The following CTNNA3 variants were observed in gnomAD, a reference collection of about 807,000 sequenced individuals.
CTNNA3 encodes the protein catenin alpha-3.
A neutral mutation model predicts 95.7 loss-of-function variants in CTNNA3; 76 were observed. The ratio of observed to expected loss-of-function variants is 0.79; its 90% CI spans 0.66 to 0.96. CTNNA3 has a LOEUF of 0.96. CTNNA3 is among the 40% of genes least tolerant of loss of function. The probability of loss-of-function intolerance (pLI) is 0.00; values close to 1 mark genes in which losing one functional copy is unlikely to be tolerated. For missense variants in CTNNA3, 1,191 were observed against 1,089.8 expected (o/e 1.09, Z -1.31); for synonymous variants, 431 against 374.4 (o/e 1.15, Z -1.74).
At chr10:67,514,310 T>C (rs1839738780) in intron 5 of CTNNA3, among the ~76,000 whole-genome samples, 1 of 152,158 alleles carries the variant, frequency 6.6e-6, no homozygotes, top group South Asian at 2.1e-4. Flanking sequence ...ACATAAAAAA[T>C]AAAATAAAAT....
At chr10:66,181,594 G>T (rs529743801) in intron 13 of CTNNA3, among the ~76,000 whole-genome samples, 2 of 152,044 alleles carry the variant, frequency 1.3e-5, no homozygotes, top group Non-Finnish European at 2.9e-5. Context: ...ATTTGTAAAA[G>T]CCCCATTATT....
chr10:66,354,080 C>T (rs1274263694), intron 12 of CTNNA3, among the ~76,000 whole-genome samples: 3 of 151,920 alleles, frequency 2.0e-5, no homozygotes, highest in East Asian at 1.9e-4. Flanking sequence ...GTCAGGAGGT[C>T]GAGACCAGCC....
intron 3 of CTNNA3, among the ~76,000 whole-genome samples, chr10:67,559,674 C>A (rs528040524): frequency 1.3e-5 from 2 of 150,498 alleles, no homozygotes; most frequent in African/African-American, 4.9e-5. Context: ...AGGCTTCAGA[C>A]GATCAAACTA....
intron 13 of CTNNA3, among the ~76,000 whole-genome samples, chr10:66,160,604 T>C (rs1589596821): frequency 6.6e-6 from 1 of 152,272 alleles, no homozygotes; most frequent in East Asian, 1.9e-4. Flanking sequence ...GCCTATTATA[T>C]GGTCTATCTT....
intron 11 of CTNNA3, among the ~76,000 whole-genome samples, chr10:66,395,618 A>G (rs748998426): frequency 1.2e-4 from 18 of 151,980 alleles, no homozygotes; most frequent in Non-Finnish European, 2.6e-4. Context: ...GTCTGTACTT[A>G]TTATTTACCT....
At chr10:66,332,307 T>C (rs374878245) in intron 12 of CTNNA3, among the ~76,000 whole-genome samples, 1 of 151,676 alleles carries the variant, frequency 6.6e-6, no homozygotes, top group Non-Finnish European at 1.5e-5. Flanking sequence ...TGAGAGAGGG[T>C]ATCCCTGTCT....
intron 2 of CTNNA3, among the ~76,000 whole-genome samples, chr10:67,629,084 C>G (rs561206941): frequency 2.6e-5 from 4 of 151,582 alleles, no homozygotes; most frequent in South Asian, 2.1e-4. Flanking sequence ...TGGGACTGAA[C>G]TGATAAAAGA....
chr10:67,066,789 A>T (rs1296977140), intron 7 of CTNNA3, among the ~76,000 whole-genome samples: 1 of 152,232 alleles, frequency 6.6e-6, no homozygotes. Context: ...TTTAGTACTT[A>T]GACACATCTC....
At chr10:67,709,485 T>A (rs1200846012) in intron 1 of CTNNA3, among the ~76,000 whole-genome samples, 1 of 152,166 alleles carries the variant, frequency 6.6e-6, no homozygotes, top group Non-Finnish European at 1.5e-5. Flanking sequence ...CAAAGATTCC[T>A]TGCTTGACAA....
At chr10:67,706,236 C>G (rs1460990662) in intron 1 of CTNNA3, among the ~76,000 whole-genome samples, 1 of 151,540 alleles carries the variant, frequency 6.6e-6, no homozygotes. Context: ...TGTCATCTCT[C>G]AAAACAGTTT....
chr10:66,780,687 A>AAGAAGACAGAATGAT (rs1840498805), intron 7 of CTNNA3, among the ~76,000 whole-genome samples: 1 of 152,224 alleles, frequency 6.6e-6, no homozygotes. Context: ...GATCCTTGAA[A>AAGAAGACAGAATGAT]TATAAAAATA....
intron 5 of CTNNA3, among the ~76,000 whole-genome samples, chr10:67,498,449 C>G (rs1001030858): frequency 1.3e-5 from 2 of 152,080 alleles, no homozygotes; most frequent in African/African-American, 4.8e-5. Flanking sequence ...AATTTAAAGT[C>G]GTTTTTTCTA....
chr10:66,936,628 G>A (rs971932557), intron 7 of CTNNA3, among the ~76,000 whole-genome samples: 2 of 152,030 alleles, frequency 1.3e-5, no homozygotes, highest in African/African-American at 2.4e-5. Flanking sequence ...TGGAGTCATC[G>A]GACAGATGGA....
chr10:67,532,831 T>C (rs1353742943), intron 4 of CTNNA3, among the ~76,000 whole-genome samples: 4 of 152,232 alleles, frequency 2.6e-5, no homozygotes, highest in African/African-American at 9.6e-5. Flanking sequence ...AGTTTTATTC[T>C]CCCCATAACT....
At chr10:67,228,528 G>T (rs1480451068) in intron 5 of CTNNA3, among the ~76,000 whole-genome samples, 2 of 152,030 alleles carry the variant, frequency 1.3e-5, no homozygotes, top group Non-Finnish European at 2.9e-5. Context: ...CAGGAGAATC[G>T]CTTGAAACCG....
intron 5 of CTNNA3, among the ~76,000 whole-genome samples, chr10:67,276,065 C>T (rs140119307): frequency 1.1e-3 from 171 of 152,204 alleles, no homozygotes; most frequent in African/African-American, 3.7e-3. Context: ...ATAATACTAA[C>T]GGGGCTTCAT....
intron 6 of CTNNA3, among the ~76,000 whole-genome samples, chr10:67,192,801 T>G (rs1267744407): frequency 6.6e-6 from 1 of 151,960 alleles, no homozygotes; most frequent in Non-Finnish European, 1.5e-5. Flanking sequence ...CACTCCCACA[T>G]TCATTCCATC....
At chr10:65,920,755 G>T (rs1406300617) in intron 17 of CTNNA3, 138 bp from the exon 18 acceptor site, 3 of 878,696 alleles carry the variant, frequency 3.4e-6, no homozygotes, top group Non-Finnish European at 5.1e-6. Context: ...GAGCCCAGGA[G>T]GCAAAGGTTG....
At chr10:66,788,115 T>G (rs1436249363) in intron 7 of CTNNA3, among the ~76,000 whole-genome samples, 1 of 152,190 alleles carries the variant, frequency 6.6e-6, no homozygotes, top group Non-Finnish European at 1.5e-5. Context: ...CTCAGTAAAT[T>G]TCACTTAATC....
Sources: gnomAD v4.1 joint callset for allele counts (sites outside exome capture counted in the v4.1 genomes callset) on GRCh38, gnomAD v4.1.1 for gene constraint, MANE v1.5 for transcripts, NCBI Gene and HGNC (gene_info 2026-07-23, HGNC 2026-07-21) for gene names.